MALRD1: variants seen among roughly 807,000 people sequenced by gnomAD.
The protein encoded by MALRD1 is MAM and LDL-receptor class A domain-containing protein 1.
Under a neutral mutation model 242.1 loss-of-function variants are expected in MALRD1, and 247 were observed. The ratio of observed to expected loss-of-function variants is 1.02; its 90% CI spans 0.92 to 1.13. The LOEUF (loss-of-function observed/expected upper bound fraction) is 1.13, where lower values mean the gene tolerates loss of function less well. Among genes scored for constraint, MALRD1 ranks in the 50% most tolerant of loss-of-function variants. MALRD1 has a pLI of 0.00. For missense variants in MALRD1, 2,989 were observed against 2,533.1 expected (o/e 1.18, Z -3.86); for synonymous variants, 995 against 866.6 (o/e 1.15, Z -2.60).
intron 33 of MALRD1, among the ~76,000 whole-genome samples, chr10:19,581,390 C>T (rs1029760062): frequency 7.7e-6 from 1 of 129,326 alleles, no homozygotes; most frequent in South Asian, 2.6e-4. Context: ...CCACAACAGT[C>T]CCCAGAGTGT....
intron 18 of MALRD1, among the ~76,000 whole-genome samples, chr10:19,232,070 A>G (rs1339420577): frequency 6.6e-6 from 1 of 152,090 alleles, no homozygotes; most frequent in African/African-American, 2.4e-5. Flanking sequence ...AGGGTGAGGG[A>G]CATAGGGGGC....
At chr10:19,245,237 G>T (rs1838990826) in intron 18 of MALRD1, among the ~76,000 whole-genome samples, 1 of 152,108 alleles carries the variant, frequency 6.6e-6, no homozygotes, top group African/African-American at 2.4e-5. Context: ...TCTAGGTAAC[G>T]TGAGTTACTG....
At chr10:19,214,368 C>T (rs78113614) in intron 18 of MALRD1, among the ~76,000 whole-genome samples, 14 of 152,242 alleles carry the variant, frequency 9.2e-5, no homozygotes, top group African/African-American at 2.4e-4. Flanking sequence ...TTGTGGCATA[C>T]ATTTTGGCCA....
Position 19,123,538 on chromosome 10 carries a change from A to G in MALRD1, c.741A>G (p.Leu247=). The G allele has an allele frequency of 8.1e-7, 1 of 1,233,846 alleles. No individual in the cohort carries two copies. The highest frequency in any genetic ancestry group is 2.1e-4 in the Middle Eastern group (1 of 4,838). 76.4% of individuals were successfully genotyped at this position (1,233,846 alleles called of 1,614,324 possible). A position where few individuals can be genotyped will look rare whatever the true frequency, so the allele number is the denominator to read the frequency against. The part of the protein sequence containing the change: ...CQEALNAERE[L]CHPDTDLCRF... ...AAGCATTGAATGCTGAGCGGGAGCT[A>G]TGCCATCCAGATACAGATCTCTGCA... The change falls in exon 6 of 40, where the codon CTA becomes CTG. Residue 247 remains leucine, a synonymous_variant. Coordinates refer to ENST00000454679, the MANE Select transcript of MALRD1 (RefSeq NM_001142308.3).
chr10:19,213,260 G>A (rs2782328), intron 18 of MALRD1, among the ~76,000 whole-genome samples: 70,377 of 151,934 alleles, frequency 0.46, 17,552 homozygotes, highest in South Asian at 0.69. Flanking sequence ...GTCTACTATT[G>A]CTCTGTTCAT....
chr10:19,516,093 A>G (rs1833616414), intron 31 of MALRD1, among the ~76,000 whole-genome samples: 1 of 152,174 alleles, frequency 6.6e-6, no homozygotes, highest in South Asian at 2.1e-4. Context: ...TTACTAATAA[A>G]CCTAGGTAGA....
At chr10:19,175,615 C>T (rs7070317) in intron 14 of MALRD1, among the ~76,000 whole-genome samples, 66,054 of 150,644 alleles carry the variant, frequency 0.44, 14,811 homozygotes, top group Admixed American at 0.5. Context: ...TTATAATTAT[C>T]TTGCATATTT....
intron 19 of MALRD1, among the ~76,000 whole-genome samples, chr10:19,277,494 A>G (rs1294877468): frequency 6.6e-6 from 1 of 152,140 alleles, no homozygotes; most frequent in Non-Finnish European, 1.5e-5. Flanking sequence ...TTCAAGAAGA[A>G]TCTGAGTATG....
chr10:19,518,647 CAGG>C (rs1233610512), intron 31 of MALRD1, among the ~76,000 whole-genome samples: 1 of 151,488 alleles, frequency 6.6e-6, no homozygotes, highest in Non-Finnish European at 1.5e-5. Flanking sequence ...TTTGCATTTT[CAGG>C]TAATGGTGTG....
chr10:19,619,279 T>C (rs1419043678), intron 36 of MALRD1, among the ~76,000 whole-genome samples: 1 of 152,036 alleles, frequency 6.6e-6, no homozygotes, highest in Non-Finnish European at 1.5e-5. Context: ...GGAAGCCGAT[T>C]CCAGCCCAGC....
chr10:19,490,678 A>C (rs991434632), intron 29 of MALRD1, among the ~76,000 whole-genome samples: 1 of 152,176 alleles, frequency 6.6e-6, no homozygotes, highest in Admixed American at 6.5e-5. Flanking sequence ...ATCAAATTAA[A>C]TTCAGATCAT....
At chr10:19,153,766 ATTACTTTTTCAG>A (rs1834028187) in intron 11 of MALRD1, among the ~76,000 whole-genome samples, 1 of 151,398 alleles carries the variant, frequency 6.6e-6, no homozygotes, top group Non-Finnish European at 1.5e-5. Context: ...TTTTCTTTTC[ATTACTTTTTCAG>A]TTACTTTTGT....
At chr10:19,458,504 G>A (rs1835775998) in intron 29 of MALRD1, among the ~76,000 whole-genome samples, 1 of 152,066 alleles carries the variant, frequency 6.6e-6, no homozygotes, top group Admixed American at 6.6e-5. Context: ...AGGTAAGAAT[G>A]GTGACATCTT....
Position 19,615,932 on chromosome 10 carries a change from C to T in MALRD1, c.6137+9C>T. 1 of 1,496,144 alleles carries T rather than the reference C, an allele frequency of 6.7e-7. No individual in the cohort carries two copies. The highest frequency in any genetic ancestry group is 1.2e-5 in the South Asian group (1 of 81,456). 92.7% of individuals were successfully genotyped at this position (1,496,144 alleles called of 1,614,324 possible). On this transcript the variant is annotated intron_variant, in intron 36 of 39. Coordinates refer to ENST00000454679, the MANE Select transcript of MALRD1 (RefSeq NM_001142308.3). ...AATGGTCCTATGTGTCGGTAAGAAG[C>T]ATTGTTTAATTTTTTTTTTTAAGAT...
At chr10:19,432,147 G>A (rs1195177488) in intron 28 of MALRD1, among the ~76,000 whole-genome samples, 1 of 152,110 alleles carries the variant, frequency 6.6e-6, no homozygotes, top group Admixed American at 6.5e-5. Flanking sequence ...TAAGGACCTG[G>A]CATGAGTCAT....
At chr10:19,169,899 A>G (rs1202645500) in intron 13 of MALRD1, among the ~76,000 whole-genome samples, 3 of 152,216 alleles carry the variant, frequency 2.0e-5, no homozygotes, top group Admixed American at 6.5e-5. Context: ...ATATTTATAC[A>G]GTACAGTGTA....
intron 18 of MALRD1, among the ~76,000 whole-genome samples, chr10:19,240,725 A>G (rs1435491719): frequency 6.6e-6 from 1 of 152,066 alleles, no homozygotes. Flanking sequence ...CCTTTACTGC[A>G]TTGAGGTACA....
chr10:19,559,684 A>G (rs917184234), intron 32 of MALRD1, among the ~76,000 whole-genome samples: 3 of 152,288 alleles, frequency 2.0e-5, no homozygotes, highest in Non-Finnish European at 4.4e-5. Flanking sequence ...AAAAGAAACT[A>G]TTATCAGAGT....
chr10:19,701,894 A>C (rs1189462523), intron 38 of MALRD1, among the ~76,000 whole-genome samples: 1 of 151,532 alleles, frequency 6.6e-6, no homozygotes, highest in Admixed American at 6.6e-5. Flanking sequence ...TAGAATTAGA[A>C]ATCGCAGTCA....
Sources: allele counts gnomAD v4.1 joint callset (sites outside exome capture counted in the v4.1 genomes callset), GRCh38; gene constraint gnomAD v4.1.1; transcripts MANE v1.5; gene names NCBI Gene and HGNC (gene_info 2026-07-23, HGNC 2026-07-21).